Variants in FGF13 observed in about 807,000 individuals in gnomAD.
FGF13 encodes fibroblast growth factor 13.
A neutral mutation model predicts 19.5 loss-of-function variants in FGF13; 2 were observed. The ratio of observed to expected loss-of-function variants is 0.10; its 90% CI spans 0.04 to 0.32. The LOEUF (loss-of-function observed/expected upper bound fraction) is 0.32, where lower values mean the gene tolerates loss of function less well. Ranked by LOEUF, FGF13 falls within the 10% of genes least tolerant of loss-of-function variation. The pLI, the probability that FGF13 is intolerant of heterozygous loss-of-function variation, is 1.00. For synonymous variants in FGF13, 72 were observed against 76.9 expected (o/e 0.94, Z 0.33); for missense variants, 113 against 192.7 (o/e 0.59, Z 2.45).
upstream of FGF13, chrX:138,711,970 C>A: frequency 8.8e-6 from 1 of 113,696 alleles, no homozygotes; most frequent in Non-Finnish European, 1.9e-5. Flanking sequence ...GGTAGTTGGG[C>A]TGACGGAGCG....
chrX:138,970,537 G>A (rs1402977671), intron 1 of FGF13, among the ~76,000 whole-genome samples: 1 of 111,668 alleles, frequency 9.0e-6, no homozygotes, highest in Non-Finnish European at 1.9e-5. Context: ...CAGCCTTGCT[G>A]AAAAGCTTTT....
intron 3 of FGF13, among the ~76,000 whole-genome samples, chrX:138,826,860 A>G (rs1281460922): frequency 8.9e-6 from 1 of 112,529 alleles, no homozygotes; most frequent in African/African-American, 3.2e-5. Flanking sequence ...CTAGCTCAAT[A>G]GCTACATACC....
chrX:139,030,479 C>G (rs1473678398), intron 1 of FGF13, among the ~76,000 whole-genome samples: 1 of 111,642 alleles, frequency 9.0e-6, no homozygotes, highest in East Asian at 2.8e-4. Context: ...AAAAACCACC[C>G]AGAACTAGTA....
intron 1 of FGF13, among the ~76,000 whole-genome samples, chrX:139,171,480 T>C (rs1337559839): frequency 9.0e-6 from 1 of 111,698 alleles, no homozygotes; most frequent in Non-Finnish European, 1.9e-5. Context: ...TCCAACCCTC[T>C]ACTGTATGCT....
chrX:139,142,051 A>G (rs1290741801), intron 1 of FGF13, among the ~76,000 whole-genome samples: 2 of 111,885 alleles, frequency 1.8e-5, no homozygotes, highest in African/African-American at 6.5e-5. Flanking sequence ...TAAGGTACAC[A>G]TTCTGCCTGA....
At chrX:138,803,539 C>T (rs2090844809) in intron 3 of FGF13, among the ~76,000 whole-genome samples, 1 of 111,934 alleles carries the variant, frequency 8.9e-6, no homozygotes, top group South Asian at 3.7e-4. Flanking sequence ...GCAGTTCAGA[C>T]TAAACCTTTA....
At chrX:138,727,310 T>C (rs2090193131) in intron 1 of FGF13, among the ~76,000 whole-genome samples, 2 of 110,345 alleles carry the variant, frequency 1.8e-5, no homozygotes, top group Admixed American at 9.6e-5. Context: ...GTAGCCTTCA[T>C]TGAAGCCCCC....
chrX:138,682,275 A>T (rs1227083198), intron 3 of FGF13, among the ~76,000 whole-genome samples: 6 of 112,535 alleles, frequency 5.3e-5, no homozygotes, highest in African/African-American at 1.9e-4. Context: ...ATAGCTGTCT[A>T]TAAGTATATT....
chrX:138,866,189 A>T lies in FGF13; in HGVS notation c.-112-1539T>A, dbSNP rs773469150. ...CATCAGAATCACCTGGGGAGCTTTA[A>T]TAACATGCCCATGTTTGGGCCCCAC... On this transcript the variant is annotated intron_variant, in intron 1 of 2. Transcript: ENST00000421460. Among the ~76,000 whole-genome samples, 108 of 112,794 alleles carry T rather than the reference A, an allele frequency of 9.6e-4. 1 individual carries two copies. The highest frequency in any genetic ancestry group is 3.4e-3 in the African/African-American group (105 of 31,094).
chrX:138,851,117 AT>A (rs2091218986), intron 3 of FGF13, among the ~76,000 whole-genome samples: 1 of 111,687 alleles, frequency 9.0e-6, no homozygotes, highest in Middle Eastern at 4.2e-3. Flanking sequence ...TATATACCAC[AT>A]TTTCTTTATC....
At chrX:138,870,221 T>C (rs189690806) in intron 1 of FGF13, among the ~76,000 whole-genome samples, 1 of 112,160 alleles carries the variant, frequency 8.9e-6, no homozygotes, top group Non-Finnish European at 1.9e-5. Flanking sequence ...TAAGCTGCAT[T>C]TGATGCTTAG....
At chrX:139,058,894 A>G (rs997856518) in intron 1 of FGF13, among the ~76,000 whole-genome samples, 3 of 111,463 alleles carry the variant, frequency 2.7e-5, no homozygotes, top group African/African-American at 9.8e-5. Context: ...GAGCCTGGGT[A>G]GCCATGAGGT....
intron 1 of FGF13, among the ~76,000 whole-genome samples, chrX:138,888,095 A>C (rs781391915): frequency 1.8e-4 from 20 of 112,319 alleles, no homozygotes; most frequent in African/African-American, 6.1e-4. Context: ...GGCAGGGCCC[A>C]TGTCTACCTT....
chrX:138,956,028 G>C (rs750697579), intron 1 of FGF13, among the ~76,000 whole-genome samples: 9 of 111,572 alleles, frequency 8.1e-5, no homozygotes, highest in East Asian at 2.9e-4. Flanking sequence ...TGGGTTTCTT[G>C]ACAATTACAA....
intron 3 of FGF13, among the ~76,000 whole-genome samples, chrX:138,687,443 A>C (rs953276293): frequency 9.8e-5 from 11 of 112,394 alleles, no homozygotes; most frequent in African/African-American, 3.6e-4. Context: ...GCAAATCAAA[A>C]TAATGAGATA....
At chrX:138,792,511 T>C (rs1055733639) in intron 3 of FGF13, among the ~76,000 whole-genome samples, 2 of 111,778 alleles carry the variant, frequency 1.8e-5, no homozygotes, top group Admixed American at 1.9e-4. Flanking sequence ...CTAGAGAGGT[T>C]AAAATAACTT....
At chrX:138,919,600 A>C (rs751712321) in intron 1 of FGF13, among the ~76,000 whole-genome samples, 4 of 112,043 alleles carry the variant, frequency 3.6e-5, no homozygotes, top group Non-Finnish European at 7.5e-5. Context: ...TGCTGAGTTA[A>C]AAAGGTCAAT....
intron 1 of FGF13, among the ~76,000 whole-genome samples, chrX:138,933,416 A>C (rs989541498): frequency 8.9e-6 from 1 of 111,897 alleles, no homozygotes; most frequent in African/African-American, 3.3e-5. Flanking sequence ...CAGGTTCTGT[A>C]GTGTAGACTG....
At chrX:139,086,780 T>G (rs1569451682) in intron 1 of FGF13, among the ~76,000 whole-genome samples, 1 of 112,791 alleles carries the variant, frequency 8.9e-6, no homozygotes, top group East Asian at 2.8e-4. Context: ...AGTCACCAAC[T>G]AAGTGCAGGT....
Sources: gnomAD v4.1 joint callset for allele counts (sites outside exome capture counted in the v4.1 genomes callset) on GRCh38, gnomAD v4.1.1 for gene constraint, MANE v1.5 for transcripts, NCBI Gene and HGNC (gene_info 2026-07-23, HGNC 2026-07-21) for gene names.